Variants in KCNQ5 observed in about 807,000 individuals in gnomAD.
KCNQ5 encodes the protein potassium voltage-gated channel subfamily KQT member 5.
In KCNQ5, 30 loss-of-function variants were observed where a neutral mutation model predicts 98.2. The observed-to-expected ratio is 0.31, with a 90% CI of 0.23 to 0.41. The LOEUF (loss-of-function observed/expected upper bound fraction) is 0.41, where lower values mean the gene tolerates loss of function less well. Among genes scored for constraint, KCNQ5 ranks in the 10% least tolerant of loss-of-function variants. KCNQ5 has a pLI of 1.00. For missense variants in KCNQ5, 835 were observed against 1,182.5 expected (o/e 0.71, Z 4.31); for synonymous variants, 458 against 449.4 (o/e 1.02, Z -0.24).
At position 72,939,974 on chromosome 6, in the gene KCNQ5, G is replaced by T. The variant is rs191222440; in HGVS notation, c.399-63934G>T. Reference sequence around the variant, plus strand: ...AATGTGAAGGCAGCACATAAAAAACGTTTATTCTCCATGGTGTCTTTCTCT... The same window carrying T: ...AATGTGAAGGCAGCACATAAAAAACTTTTATTCTCCATGGTGTCTTTCTCT... On this transcript the variant is annotated intron_variant, in intron 1 of 13. Coordinates refer to ENST00000370398, the MANE Select transcript of KCNQ5 (RefSeq NM_019842.4). Among the ~76,000 whole-genome samples, 8 of 152,252 alleles carry T rather than the reference G, an allele frequency of 5.3e-5. No individual in the cohort carries two copies. The East Asian group carries it at 7.7e-4, about 15-fold the overall frequency.
chr6:72,750,527 A>G (rs995562915), intron 1 of KCNQ5, among the ~76,000 whole-genome samples: 2 of 152,066 alleles, frequency 1.3e-5, no homozygotes. Context: ...TGAGCTGTAG[A>G]AAATTAATGA....
chr6:72,974,098 G>A (rs1197888141), intron 1 of KCNQ5, among the ~76,000 whole-genome samples: 1 of 152,174 alleles, frequency 6.6e-6, no homozygotes, highest in Non-Finnish European at 1.5e-5. Flanking sequence ...TCACATTTTA[G>A]CCCTTTGTAA....
intron 1 of KCNQ5, among the ~76,000 whole-genome samples, chr6:72,738,409 A>C (rs1237207897): frequency 6.6e-6 from 1 of 152,014 alleles, no homozygotes; most frequent in Non-Finnish European, 1.5e-5. Context: ...ATTACTATAA[A>C]TATATTAAAA....
intron 3 of KCNQ5, among the ~76,000 whole-genome samples, chr6:73,045,060 T>C (rs1166127309): frequency 6.6e-6 from 1 of 152,152 alleles, no homozygotes; most frequent in Non-Finnish European, 1.5e-5. Context: ...CCATGTACTA[T>C]TGCACCCTAT....
chr6:73,017,906 G>A (rs1268388528), intron 2 of KCNQ5, among the ~76,000 whole-genome samples: 2 of 152,078 alleles, frequency 1.3e-5, no homozygotes, highest in African/African-American at 2.4e-5. Context: ...GAGACCAGAA[G>A]GGTAGAAAGT....
At chr6:72,660,276 T>A (rs576148739) in intron 1 of KCNQ5, among the ~76,000 whole-genome samples, 100 of 152,286 alleles carry the variant, frequency 6.6e-4, no homozygotes, top group South Asian at 5.6e-3. Flanking sequence ...ATAGAAAGAT[T>A]GAACAATTTC....
intron 1 of KCNQ5, among the ~76,000 whole-genome samples, chr6:72,850,501 G>C (rs1309829914): frequency 6.6e-6 from 1 of 152,140 alleles, no homozygotes; most frequent in Non-Finnish European, 1.5e-5. Flanking sequence ...GTAACTCCTG[G>C]AAAAGACATC....
intron 1 of KCNQ5, among the ~76,000 whole-genome samples, chr6:72,715,810 T>G (rs1349153496): frequency 6.6e-6 from 1 of 152,196 alleles, no homozygotes; most frequent in Non-Finnish European, 1.5e-5. Context: ...ACTAGGATAA[T>G]TATTTTACAA....
At chr6:73,074,708 A>G (rs1773447595) in intron 3 of KCNQ5, among the ~76,000 whole-genome samples, 1 of 151,710 alleles carries the variant, frequency 6.6e-6, no homozygotes, top group Admixed American at 6.6e-5. Context: ...TCTGTGGGAT[A>G]CCTAACACAT....
intron 9 of KCNQ5, among the ~76,000 whole-genome samples, chr6:73,128,176 A>AT (rs1776070758): frequency 1.3e-5 from 2 of 152,352 alleles, no homozygotes; most frequent in South Asian, 4.1e-4. Context: ...TTTTTGGTAC[A>AT]TTCAGGTACA....
intron 2 of KCNQ5, among the ~76,000 whole-genome samples, chr6:73,024,108 G>A (rs1056107565): frequency 2.6e-5 from 4 of 152,156 alleles, no homozygotes; most frequent in Non-Finnish European, 4.4e-5. Context: ...CAAAGGGAAT[G>A]TCTTGCTCTT....
At position 73,195,359 on chromosome 6, in the gene KCNQ5, G is replaced by A. The variant is rs750348449; in HGVS notation, c.2744G>A (p.Cys915Tyr). 2.8e-5 allele frequency: 45 copies of A among 1,614,034 alleles called. No individual in the cohort carries two copies. The highest frequency in any genetic ancestry group is 3.8e-5 in the Non-Finnish European group (45 of 1,180,034). Residue 915 changes from cysteine (C) to tyrosine (Y), a missense_variant, in exon 14 of 14, where the codon TGT (cysteine) becomes TAT (tyrosine). Cys to Tyr is a radical substitution (Grantham distance 194). Coordinates refer to ENST00000370398, the MANE Select transcript of KCNQ5 (RefSeq NM_019842.4). The part of the protein sequence containing the change: ...TGRSRSSQSI[C>Y]KAGESTDALS... ...AGGTCACGATCATCTCAGAGCATTT[G>A]TAAGGCAGGAGAAAGTACAGATGCC...
At chr6:72,876,804 A>C (rs1252239786) in intron 1 of KCNQ5, among the ~76,000 whole-genome samples, 1 of 152,198 alleles carries the variant, frequency 6.6e-6, no homozygotes, top group African/African-American at 2.4e-5. Flanking sequence ...GTTTAGTTAG[A>C]GATCAAGTTT....
intron 1 of KCNQ5, among the ~76,000 whole-genome samples, chr6:72,775,373 G>A (rs981985711): frequency 6.6e-6 from 1 of 151,930 alleles, no homozygotes; most frequent in Non-Finnish European, 1.5e-5. Flanking sequence ...TGTAAATTTG[G>A]TGTTTCAAAA....
chr6:72,722,849 C>CT (rs539617196), intron 1 of KCNQ5, among the ~76,000 whole-genome samples: 7,346 of 126,246 alleles, frequency 0.058, 735 homozygotes, highest in African/African-American at 0.19. Flanking sequence ...GTTTGGTTGA[C>CT]TTTTTTTTTT....
intron 1 of KCNQ5, among the ~76,000 whole-genome samples, chr6:72,631,802 G>C (rs1158984111): frequency 6.6e-6 from 1 of 152,116 alleles, no homozygotes; most frequent in African/African-American, 2.4e-5. Flanking sequence ...AATCAAGAGA[G>C]AATAAAGTTA....
chr6:72,662,747 C>T (rs571367528), intron 1 of KCNQ5, among the ~76,000 whole-genome samples: 1 of 152,088 alleles, frequency 6.6e-6, no homozygotes, highest in Admixed American at 6.6e-5. Flanking sequence ...TGTTGTGTTA[C>T]TGTTTTGTTT....
At chr6:72,760,550 GC>G (rs1772216853) in intron 1 of KCNQ5, among the ~76,000 whole-genome samples, 1 of 151,850 alleles carries the variant, frequency 6.6e-6, no homozygotes. Flanking sequence ...ATACAGTTCA[GC>G]TTTGGAATAA....
chr6:72,638,510 C>A (rs1483192704), intron 1 of KCNQ5, among the ~76,000 whole-genome samples: 1 of 152,096 alleles, frequency 6.6e-6, no homozygotes, highest in Non-Finnish European at 1.5e-5. Flanking sequence ...TAAGAATAAT[C>A]AAACCATCAC....
Sources: gnomAD v4.1 joint callset for allele counts (sites outside exome capture counted in the v4.1 genomes callset) on GRCh38, gnomAD v4.1.1 for gene constraint, MANE v1.5 for transcripts, NCBI Gene and HGNC (gene_info 2026-07-23, HGNC 2026-07-21) for gene names.